The following CSMD1 variants were observed in gnomAD, a reference collection of about 807,000 sequenced individuals.
CSMD1 encodes CUB and sushi domain-containing protein 1.
A neutral mutation model predicts 417.5 loss-of-function variants in CSMD1; 213 were observed. The observed-to-expected ratio is 0.51, with a 90% CI of 0.46 to 0.57. CSMD1 has a LOEUF of 0.57. Ranked by LOEUF, CSMD1 falls within the 20% of genes least tolerant of loss-of-function variation. CSMD1 has a pLI of 0.00. For missense variants in CSMD1, 6,923 were observed against 4,529.7 expected (o/e 1.53, Z -15.17); for synonymous variants, 2,862 against 1,736.8 (o/e 1.65, Z -16.11).
intron 1 of CSMD1, among the ~76,000 whole-genome samples, chr8:4,771,467 C>A (rs185549773): frequency 4.6e-5 from 7 of 152,170 alleles, no homozygotes; most frequent in African/African-American, 1.7e-4. Context: ...ATCCTCCGTG[C>A]GAAGCTCAGT....
At chr8:4,522,166 T>C (rs1295716284) in intron 2 of CSMD1, among the ~76,000 whole-genome samples, 1 of 152,100 alleles carries the variant, frequency 6.6e-6, no homozygotes, top group East Asian at 1.9e-4. Context: ...GCTGTTCTCG[T>C]GATAGTGAAT....
At chr8:3,356,567 C>A (rs992711061) in intron 21 of CSMD1, among the ~76,000 whole-genome samples, 1 of 152,084 alleles carries the variant, frequency 6.6e-6, no homozygotes, top group African/African-American at 2.4e-5. Context: ...CCCAGCAACT[C>A]GGGAGGATGA....
intron 3 of CSMD1, among the ~76,000 whole-genome samples, chr8:4,288,008 TC>T (rs1797156358): frequency 6.6e-6 from 1 of 152,186 alleles, no homozygotes; most frequent in Non-Finnish European, 1.5e-5. Context: ...AAGTTAAACT[TC>T]TGCCTTTTTT....
intron 1 of CSMD1, among the ~76,000 whole-genome samples, chr8:4,976,979 T>C (rs891748274): frequency 3.3e-5 from 5 of 152,176 alleles, no homozygotes; most frequent in Non-Finnish European, 5.9e-5. Flanking sequence ...TCTCTCCTAA[T>C]AGAGCAATTT....
chr8:3,383,171 G>T (rs1357024124), intron 18 of CSMD1, among the ~76,000 whole-genome samples: 2 of 152,132 alleles, frequency 1.3e-5, no homozygotes, highest in African/African-American at 4.8e-5. Flanking sequence ...TTACTTTTAG[G>T]GGTGATTAAC....
At chr8:3,750,749 G>A (rs1370949614) in intron 6 of CSMD1, among the ~76,000 whole-genome samples, 1 of 152,038 alleles carries the variant, frequency 6.6e-6, no homozygotes, top group Non-Finnish European at 1.5e-5. Flanking sequence ...CGTGTGGAGG[G>A]CTGGGTGGCT....
intron 16 of CSMD1, among the ~76,000 whole-genome samples, chr8:3,398,959 C>G (rs1411682296): frequency 6.6e-6 from 1 of 152,180 alleles, no homozygotes; most frequent in Non-Finnish European, 1.5e-5. Context: ...CCATTGCCCG[C>G]TCAGCATCAC....
chr8:3,445,452 G>A (rs906007233), intron 12 of CSMD1, among the ~76,000 whole-genome samples: 6 of 152,192 alleles, frequency 3.9e-5, no homozygotes, highest in African/African-American at 1.4e-4. Flanking sequence ...GAATTACAAA[G>A]TGAGGTCAAC....
chr8:4,474,343 G>T lies in CSMD1; in HGVS notation c.303-54278C>A, dbSNP rs111953666. 7.3e-3 allele frequency among the ~76,000 whole-genome samples: 1,118 copies of T among 152,282 alleles called. 13 individuals carry two copies. The highest frequency in any genetic ancestry group is 0.025 in the African/African-American group (1,036 of 41,562). On this transcript the variant is annotated intron_variant, in intron 2 of 69. Transcript: ENST00000635120. Reference sequence around the variant, plus strand: ...CATACCACTCAGACATTATAAGGAAGATTTTATGCTGGTGTTGTCTAACTT... The same window carrying T: ...CATACCACTCAGACATTATAAGGAATATTTTATGCTGGTGTTGTCTAACTT...
At chr8:3,244,130 C>T (rs890730110) in intron 26 of CSMD1, among the ~76,000 whole-genome samples, 3 of 152,182 alleles carry the variant, frequency 2.0e-5, no homozygotes, top group African/African-American at 4.8e-5. Flanking sequence ...GACCCTCTGT[C>T]GTTCAACACG....
At chr8:3,358,301 T>A (rs1444810806) in intron 21 of CSMD1, among the ~76,000 whole-genome samples, 1 of 152,172 alleles carries the variant, frequency 6.6e-6, no homozygotes, top group African/African-American at 2.4e-5. Flanking sequence ...CACAATGACA[T>A]TAGTCAGTTT....
At chr8:3,453,741 C>A (rs140241774) in intron 12 of CSMD1, among the ~76,000 whole-genome samples, 13,471 of 152,094 alleles carry the variant, frequency 0.089, 649 homozygotes, top group Middle Eastern at 0.13. Context: ...ACTATGTGGT[C>A]AATTTTGGAA....
chr8:3,190,462 T>C (rs1055141208), intron 33 of CSMD1, among the ~76,000 whole-genome samples: 6 of 152,198 alleles, frequency 3.9e-5, no homozygotes, highest in Admixed American at 6.5e-5. Context: ...ATTCAGGCGA[T>C]TACATTTAAT....
chr8:3,411,243 C>T (rs1459388263), intron 12 of CSMD1, among the ~76,000 whole-genome samples: 1 of 152,138 alleles, frequency 6.6e-6, no homozygotes, highest in Non-Finnish European at 1.5e-5. Context: ...GGACACCAGT[C>T]CCAAAAGTGC....
chr8:4,843,962 T>G (rs1455852725), intron 1 of CSMD1, among the ~76,000 whole-genome samples: 2 of 152,164 alleles, frequency 1.3e-5, no homozygotes, highest in Non-Finnish European at 2.9e-5. Flanking sequence ...ACGGAAAGTG[T>G]GTTTCTCATG....
chr8:4,812,009 C>G (rs1173093976), intron 1 of CSMD1, among the ~76,000 whole-genome samples: 1 of 152,124 alleles, frequency 6.6e-6, no homozygotes, highest in Non-Finnish European at 1.5e-5. Flanking sequence ...TAACAGCTTC[C>G]AATTACAGCA....
chr8:4,468,323 A>T (rs1026396681), intron 2 of CSMD1, among the ~76,000 whole-genome samples: 2 of 146,414 alleles, frequency 1.4e-5, no homozygotes, highest in Non-Finnish European at 3.1e-5. Flanking sequence ...TGACTGGGCG[A>T]TAGGCCTTTT....
intron 2 of CSMD1, among the ~76,000 whole-genome samples, chr8:4,517,622 T>G (rs184319286): frequency 1.6e-4 from 25 of 152,350 alleles, no homozygotes; most frequent in African/African-American, 5.8e-4. Flanking sequence ...CACGAGCCTT[T>G]AAACACCTAA....
At chr8:4,736,262 T>C (rs1193573547) in intron 1 of CSMD1, among the ~76,000 whole-genome samples, 1 of 152,316 alleles carries the variant, frequency 6.6e-6, no homozygotes, top group Middle Eastern at 3.4e-3. Context: ...TCACACTTTT[T>C]ATTTTCTTCA....
Sources: gnomAD v4.1 joint callset for allele counts (sites outside exome capture counted in the v4.1 genomes callset) on GRCh38, gnomAD v4.1.1 for gene constraint, MANE v1.5 for transcripts, NCBI Gene and HGNC (gene_info 2026-07-23, HGNC 2026-07-21) for gene names.